The following CAPS2 variants were observed in gnomAD, a reference collection of about 807,000 sequenced individuals.
CAPS2 encodes the protein calcyphosine 2.
CAPS2 carries 98 observed loss-of-function variants against 86.5 expected under a neutral mutation model. That is an observed-to-expected ratio of 1.13 (90% CI 0.96 to 1.34). The LOEUF (loss-of-function observed/expected upper bound fraction) is 1.34. Among genes scored for constraint, CAPS2 ranks in the 40% most tolerant of loss-of-function variants. CAPS2 has a pLI of 0.00. For synonymous variants in CAPS2, 210 were observed against 225.1 expected (o/e 0.93, Z 0.60); for missense variants, 729 against 686.8 (o/e 1.06, Z -0.69).
In CAPS2 at chr12:75,381,902, C is replaced by T. The variant is rs981669786; in HGVS notation, c.-395+8936G>A. ...TGCTGGGATTACAGGCATGAGCCACCACACCCAGCCTCTTATGAAATTTGA... is the reference window on the plus strand; with the variant it reads ...TGCTGGGATTACAGGCATGAGCCACTACACCCAGCCTCTTATGAAATTTGA... On this transcript the variant is annotated intron_variant, in intron 1 of 5. Coordinates refer to the CAPS2 transcript ENST00000551829. 9.9e-5 allele frequency among the ~76,000 whole-genome samples: 15 copies of T among 152,102 alleles called. 1 individual carries two copies. The highest frequency in any genetic ancestry group is 9.8e-4 in the Admixed American group (15 of 15,268).
intron 11 of CAPS2, among the ~76,000 whole-genome samples, chr12:75,294,177 C>G (rs1401035026): frequency 3.3e-5 from 5 of 152,084 alleles, no homozygotes. Flanking sequence ...AACTCCTGAC[C>G]TCGTGATCCA....
intron 1 of CAPS2, among the ~76,000 whole-genome samples, chr12:75,344,645 T>A (rs547449930): frequency 1.3e-5 from 2 of 152,262 alleles, no homozygotes; most frequent in African/African-American, 4.8e-5. Flanking sequence ...AATCGAATTT[T>A]CTTCCATCAT....
At chr12:75,328,298 T>C (rs2040977657), upstream of CAPS2, among the ~76,000 whole-genome samples, 1 of 152,166 alleles carries the variant, frequency 6.6e-6, no homozygotes, top group Admixed American at 6.5e-5. Context: ...TCTCCACACA[T>C]CAGTCTCTCA....
At chr12:75,291,567 G>GTATATA (rs66622366) in intron 13 of CAPS2, among the ~76,000 whole-genome samples, 177 bp downstream of exon 13, 215 of 27,644 alleles carry the variant, frequency 7.8e-3, no homozygotes, top group Non-Finnish European at 9.0e-3. Context: ...ATTTTTAAAA[G>GTATATA]TATATATATA....
intron 1 of CAPS2, among the ~76,000 whole-genome samples, chr12:75,350,394 G>A (rs1294566132): frequency 6.6e-6 from 1 of 152,158 alleles, no homozygotes; most frequent in Non-Finnish European, 1.5e-5. Context: ...CCCCTGACTG[G>A]GTGAGATCTC....
At chr12:75,368,561 G>A (rs887544595) in intron 1 of CAPS2, among the ~76,000 whole-genome samples, 1 of 150,918 alleles carries the variant, frequency 6.6e-6, no homozygotes, top group Admixed American at 6.6e-5. Context: ...TGGTCATGAG[G>A]TTTCCTTAAG....
intron 1 of CAPS2, among the ~76,000 whole-genome samples, chr12:75,348,286 A>G (rs2042583881): frequency 1.3e-5 from 2 of 152,174 alleles, no homozygotes; most frequent in Admixed American, 6.5e-5. Flanking sequence ...ACAAACATCA[A>G]TTTAAAAATA....
In CAPS2 at chr12:75,285,065, A is replaced by AT; in HGVS notation, c.1410dup (p.Trp471MetfsTer6). Reference sequence around the variant, plus strand: ...TTGCCATTGTCATTCAGAATTAGCCATGCAGACTCAAAATCCTAGAAACAA... The same window carrying AT: ...TTGCCATTGTCATTCAGAATTAGCCATTGCAGACTCAAAATCCTAGAAACAA... On this transcript the variant is annotated frameshift_variant, in exon 15 of 17. Coordinates refer to ENST00000393284, the Ensembl canonical transcript of CAPS2. LOFTEE classifies it high-confidence loss of function. 1 of 1,608,726 alleles carries AT rather than the reference A, an allele frequency of 6.2e-7. No individual in the cohort carries two copies. Among genetic ancestry groups the AT allele is most frequent in the Non-Finnish European group, 8.5e-7 (1 of 1,178,050 alleles).
intron 1 of CAPS2, chr12:75,365,116 G>A (rs988878609): frequency 6.6e-6 from 1 of 152,056 alleles, no homozygotes; most frequent in African/African-American, 2.4e-5. Flanking sequence ...AATAGTCCCT[G>A]GGCCTAGAGG....
chr12:75,324,179 A>G (rs2040558146), intron 2 of CAPS2, among the ~76,000 whole-genome samples: 1 of 152,224 alleles, frequency 6.6e-6, no homozygotes, highest in African/African-American at 2.4e-5. Context: ...CACTTTTTAA[A>G]GTAAATAAAA....
chr12:75,289,864 G>T, intron 13 of CAPS2, 89 bp from the exon 14 acceptor site: 1 of 913,534 alleles, frequency 1.1e-6, no homozygotes, highest in Non-Finnish European at 1.7e-6. Flanking sequence ...AATTAAAGTT[G>T]ATGTAACTGA....
chr12:75,370,833 A>G (rs956673614), intron 1 of CAPS2, among the ~76,000 whole-genome samples: 2 of 152,216 alleles, frequency 1.3e-5, no homozygotes, highest in Non-Finnish European at 2.9e-5. Context: ...TACAAACCAG[A>G]TAATTATTCA....
chr12:75,326,662 C>T (rs962076737), upstream of CAPS2: 4 of 559,564 alleles, frequency 7.1e-6, no homozygotes, highest in Admixed American at 1.2e-4. Flanking sequence ...CCAATATCAA[C>T]TTTTTATAGG....
rs2035509705 is a variant in CAPS2, at chr12:75,289,705, CT to C, written c.1310del (p.Gln437ArgfsTer10). On this transcript the variant is annotated frameshift_variant, in exon 14 of 17. Coordinates refer to ENST00000393284, the Ensembl canonical transcript of CAPS2. LOFTEE classifies it high-confidence loss of function. ...AAAGTCCATTTCCTTCCTTGTCCAA[CT>C]GTTGAAAATATTTTCCCAATCCAGT... 6.2e-7 allele frequency: 1 copy of C among 1,613,060 alleles called. No individual in the cohort carries two copies. Among genetic ancestry groups the C allele is most frequent in the Non-Finnish European group, 8.5e-7 (1 of 1,179,324 alleles).
At chr12:75,370,751 A>G (rs1566021292) in intron 1 of CAPS2, among the ~76,000 whole-genome samples, 1 of 152,224 alleles carries the variant, frequency 6.6e-6, no homozygotes, top group Non-Finnish European at 1.5e-5. Flanking sequence ...AATATGCCCC[A>G]CAGAAAATAA....
chr12:75,340,231 T>A (rs551586821), intron 1 of CAPS2, among the ~76,000 whole-genome samples: 26 of 151,602 alleles, frequency 1.7e-4, no homozygotes, highest in Non-Finnish European at 3.1e-4. Flanking sequence ...GTTTCCATAT[T>A]TTTAGAACTG....
intron 1 of CAPS2, among the ~76,000 whole-genome samples, chr12:75,377,603 A>G (rs2044717390): frequency 4.6e-5 from 7 of 152,134 alleles, no homozygotes; most frequent in Admixed American, 4.6e-4. Context: ...GCACAGGAGA[A>G]AGATGAAGGC....
At position 75,288,173 on chromosome 12, in the gene CAPS2, T is replaced by G. The variant is rs558120067; in HGVS notation, c.1395+1448A>C. On this transcript the variant is annotated intron_variant, in intron 14 of 16. Transcript: ENST00000393284. ...TAATTTCCTATTGCTGTTTTGTTAT[T>G]GTTGTTGTTGTTTTAATCTACAAAA... Among the ~76,000 whole-genome samples, 12 of 152,358 alleles carry G rather than the reference T, an allele frequency of 7.9e-5. No homozygotes were observed. The South Asian group carries it at 2.5e-3, about 32-fold the overall frequency.
At chr12:75,299,722 G>A (rs574699088) in intron 9 of CAPS2, 115 bp downstream of exon 9, 6 of 461,286 alleles carry the variant, frequency 1.3e-5, no homozygotes, top group African/African-American at 8.2e-5. Context: ...CTAAATTCAC[G>A]TATTTTTATT....
Sources: allele counts gnomAD v4.1 joint callset (sites outside exome capture counted in the v4.1 genomes callset), GRCh38; gene constraint gnomAD v4.1.1; transcripts MANE v1.5; gene names NCBI Gene and HGNC (gene_info 2026-07-23, HGNC 2026-07-21).